GRB14: variants seen among roughly 807,000 people sequenced by gnomAD.
GRB14 encodes the protein growth factor receptor bound protein 14, also known as growth factor receptor-bound protein 14.
GRB14 carries 38 observed loss-of-function variants against 69.1 expected under a neutral mutation model. The observed-to-expected ratio is 0.55, with a 90% CI of 0.42 to 0.72. The LOEUF is 0.72. GRB14 is among the 30% of genes least tolerant of loss of function. The probability of loss-of-function intolerance (pLI) is 0.00; values close to 1 mark genes in which losing one functional copy is unlikely to be tolerated. For synonymous variants in GRB14, 247 were observed against 241.3 expected (o/e 1.02, Z -0.22); for missense variants, 666 against 666.1 (o/e 1.00, Z 0.00).
chr2:164,496,938 G>T (rs748134287), intron 12 of GRB14, 70 bp downstream of exon 12: 2 of 1,203,080 alleles, frequency 1.7e-6, no homozygotes, highest in East Asian at 2.4e-5. Flanking sequence ...TGTGGCTATG[G>T]AATAAATAAT....
intron 8 of GRB14, among the ~76,000 whole-genome samples, chr2:164,506,514 C>T (rs553692600): frequency 1.3e-5 from 2 of 152,196 alleles, no homozygotes; most frequent in African/African-American, 4.8e-5. Context: ...GGTAGGAATG[C>T]AAAATGGTTC....
intron 2 of GRB14, among the ~76,000 whole-genome samples, chr2:164,600,936 C>T (rs1373861120): frequency 6.6e-6 from 1 of 151,936 alleles, no homozygotes; most frequent in African/African-American, 2.4e-5. Flanking sequence ...CAGTCCATTG[C>T]CAAATCTCTA....
intron 2 of GRB14, among the ~76,000 whole-genome samples, chr2:164,616,925 A>G (rs1423089392): frequency 6.6e-6 from 1 of 152,192 alleles, no homozygotes; most frequent in African/African-American, 2.4e-5. Flanking sequence ...TGAAGGTTAC[A>G]GATAAACTGG....
chr2:164,588,029 T>C (rs765698980), intron 2 of GRB14, among the ~76,000 whole-genome samples: 2 of 152,184 alleles, frequency 1.3e-5, no homozygotes, highest in Non-Finnish European at 2.9e-5. Context: ...TCTTTCCACA[T>C]TGGAAGCATG....
At position 164,580,770 on chromosome 2, in the gene GRB14, A is replaced by G. The variant is rs76344664; in HGVS notation, c.325-32954T>C. ...TGCATTACTTACACAATTAGCAAAT[A>G]TTAGAACTGTCAATGAAGTCATCTT... On this transcript the variant is annotated intron_variant, in intron 2 of 13. Coordinates refer to ENST00000263915, the MANE Select transcript of GRB14 (RefSeq NM_004490.3). Among the ~76,000 whole-genome samples, 483 of 152,262 alleles carry G rather than the reference A, an allele frequency of 3.2e-3. 18 individuals are homozygous for G. In the East Asian group the frequency reaches 0.076, roughly 24 times the overall value.
At chr2:164,519,730 T>A (rs1210486901) in intron 6 of GRB14, among the ~76,000 whole-genome samples, 3 of 151,842 alleles carry the variant, frequency 2.0e-5, no homozygotes, top group Admixed American at 6.6e-5. Flanking sequence ...AAGCTGAGAA[T>A]CAAATCAAGA....
At chr2:164,547,012 G>C (rs1187664672) in intron 3 of GRB14, among the ~76,000 whole-genome samples, 1 of 152,018 alleles carries the variant, frequency 6.6e-6, no homozygotes, top group African/African-American at 2.4e-5. Context: ...GGCGAACCTA[G>C]GTTTAAGGCA....
intron 2 of GRB14, among the ~76,000 whole-genome samples, chr2:164,586,023 T>C (rs1277379722): frequency 6.6e-6 from 1 of 152,178 alleles, no homozygotes; most frequent in Non-Finnish European, 1.5e-5. Flanking sequence ...TGCAGTATGT[T>C]ACACATAAGA....
At chr2:164,495,010 C>A (rs147981962) in intron 12 of GRB14, among the ~76,000 whole-genome samples, 1 of 151,910 alleles carries the variant, frequency 6.6e-6, no homozygotes, top group Non-Finnish European at 1.5e-5. Context: ...GGAGTGCTCT[C>A]GGCTCACTGC....
At chr2:164,553,062 C>G (rs1274889611) in intron 2 of GRB14, among the ~76,000 whole-genome samples, 1 of 152,132 alleles carries the variant, frequency 6.6e-6, no homozygotes, top group Non-Finnish European at 1.5e-5. Flanking sequence ...CTCCTGACTA[C>G]CCCCATATGT....
chr2:164,619,778 A>C lies in GRB14; in HGVS notation c.233T>G (p.Ile78Ser). Residue 78 changes from isoleucine (I) to serine (S), a missense_variant, in exon 2 of 14, where the codon ATT (isoleucine) becomes AGT (serine). Ile to Ser is a moderately radical substitution (Grantham distance 142). Transcript: ENST00000263915. ...GCATAGCTCAGGAAAAGGGTTTGGAATAGATGGCATTTCCGGAACATCAAG... is the reference window on the plus strand; with the variant it reads ...GCATAGCTCAGGAAAAGGGTTTGGACTAGATGGCATTTCCGGAACATCAAG... ...KDLDVPEMPSIPNPFPELCCS... is the reference protein window; with the variant it reads ...KDLDVPEMPSSPNPFPELCCS... 6.2e-7 allele frequency: 1 copy of C among 1,611,326 alleles called. No individual in the cohort carries two copies. Among genetic ancestry groups the C allele is most frequent in the East Asian group, 2.2e-5 (1 of 44,852 alleles).
chr2:164,570,660 A>G (rs1432219412), intron 2 of GRB14, among the ~76,000 whole-genome samples: 2 of 152,188 alleles, frequency 1.3e-5, no homozygotes, highest in Admixed American at 1.3e-4. Flanking sequence ...TTGAAAACTG[A>G]TGTGAACACA....
chr2:164,604,101 A>T (rs1318995342), intron 2 of GRB14, among the ~76,000 whole-genome samples: 1 of 152,212 alleles, frequency 6.6e-6, no homozygotes, highest in Non-Finnish European at 1.5e-5. Context: ...CCAGCTGTTG[A>T]TGAGAAAGTG....
chr2:164,537,036 G>GAGC (rs1688097753), intron 3 of GRB14, among the ~76,000 whole-genome samples: 1 of 152,278 alleles, frequency 6.6e-6, no homozygotes, highest in Non-Finnish European at 1.5e-5. Context: ...AACAGCCCTG[G>GAGC]AGCAGCAGCA....
intron 3 of GRB14, among the ~76,000 whole-genome samples, chr2:164,542,091 T>A (rs182951004): frequency 6.6e-6 from 1 of 152,268 alleles, no homozygotes; most frequent in African/African-American, 2.4e-5. Flanking sequence ...TATTGACCAA[T>A]GGAACACAAC....
chr2:164,564,779 G>C (rs573480093), intron 2 of GRB14, among the ~76,000 whole-genome samples: 1 of 152,278 alleles, frequency 6.6e-6, no homozygotes, highest in East Asian at 1.9e-4. Context: ...ACTTTGGGAG[G>C]CCGAGGTGGG....
At chr2:164,611,594 C>T (rs557771614) in intron 2 of GRB14, among the ~76,000 whole-genome samples, 1 of 151,180 alleles carries the variant, frequency 6.6e-6, no homozygotes, top group South Asian at 2.1e-4. Flanking sequence ...CAAGTGGTCA[C>T]ATCTTATCTC....
intron 2 of GRB14, among the ~76,000 whole-genome samples, chr2:164,615,932 G>A (rs1319922988): frequency 6.6e-6 from 1 of 152,140 alleles, no homozygotes; most frequent in Non-Finnish European, 1.5e-5. Context: ...ATTACTAACA[G>A]ATGATTTCCT....
intron 2 of GRB14, among the ~76,000 whole-genome samples, chr2:164,594,051 T>C (rs1364006449): frequency 6.6e-6 from 1 of 152,148 alleles, no homozygotes; most frequent in African/African-American, 2.4e-5. Flanking sequence ...TGTGACCATA[T>C]TGTCAGTAGG....
Sources: gnomAD v4.1 joint callset for allele counts (sites outside exome capture counted in the v4.1 genomes callset) on GRCh38, gnomAD v4.1.1 for gene constraint, MANE v1.5 for transcripts, NCBI Gene and HGNC (gene_info 2026-07-23, HGNC 2026-07-21) for gene names.